MOB4: variants seen among roughly 807,000 people sequenced by gnomAD.
MOB4 encodes MOB-like protein phocein.
A neutral mutation model predicts 32.2 loss-of-function variants in MOB4; 4 were observed. The ratio of observed to expected loss-of-function variants is 0.12; its 90% CI spans 0.06 to 0.28. The LOEUF (loss-of-function observed/expected upper bound fraction) is 0.28. MOB4 is among the 10% of genes least tolerant of loss of function. The pLI is 1.00. For synonymous variants in MOB4, 88 were observed against 88.1 expected, an observed-to-expected ratio of 1.00 and a Z score of 0.01; for missense variants, 158 against 271.2, an observed-to-expected ratio of 0.58 and a Z score of 2.93.
chr2:197,520,360 C>T (rs1032767379), intron 1 of MOB4, among the ~76,000 whole-genome samples: 10 of 151,974 alleles, frequency 6.6e-5, no homozygotes, highest in African/African-American at 1.5e-4. Context: ...AGGATGGTCT[C>T]GATCTGCTGA....
In MOB4 at chr2:197,550,502, T is replaced by A. The variant is rs779338386; in HGVS notation, c.547-13T>A. 7 of 1,583,874 alleles carry A rather than the reference T, an allele frequency of 4.4e-6. No individual in the cohort carries two copies. The highest frequency in any genetic ancestry group is 6.0e-6 in the Non-Finnish European group (7 of 1,167,928). On this transcript the variant is annotated splice_polypyrimidine_tract_variant and intron_variant, in intron 7 of 7. Transcript: ENST00000323303. ...AGTGAATTAAAATAACATTTTTGTC[T>A]TCCTCTCTACAGAATGAAACATTTT...
At chr2:197,515,948 G>C (rs1574617645), upstream of MOB4, 1 of 833,662 alleles carries the variant, frequency 1.2e-6, no homozygotes. Flanking sequence ...CTACCCGGAC[G>C]GCTCCCGGCG....
At chr2:197,524,692 C>T (rs2086579193) in intron 2 of MOB4, among the ~76,000 whole-genome samples, 1 of 151,696 alleles carries the variant, frequency 6.6e-6, no homozygotes, top group South Asian at 2.1e-4. Context: ...GCGATGCTGC[C>T]CACCTTGAAC....
At chr2:197,545,881 A>G in intron 5 of MOB4, among the ~76,000 whole-genome samples, 1 of 152,186 alleles carries the variant, frequency 6.6e-6, no homozygotes. Context: ...TGAATATACT[A>G]GAAACTACTG....
intron 6 of MOB4, among the ~76,000 whole-genome samples, chr2:197,548,839 C>T (rs188099336): frequency 1.3e-5 from 2 of 152,108 alleles, no homozygotes; most frequent in East Asian, 3.9e-4. Context: ...GCAGAGCTCT[C>T]CCTCTCATGC....
At chr2:197,531,700 A>C (rs957276964) in intron 2 of MOB4, among the ~76,000 whole-genome samples, 3 of 151,730 alleles carry the variant, frequency 2.0e-5, no homozygotes, top group African/African-American at 7.3e-5. Context: ...ATGTGCCACC[A>C]TGCCCGGCTA....
At chr2:197,537,709 CAGAG>C (rs2086825940) in intron 3 of MOB4, among the ~76,000 whole-genome samples, 1 of 152,170 alleles carries the variant, frequency 6.6e-6, no homozygotes, top group Admixed American at 6.5e-5. Context: ...CAACCCAAGA[CAGAG>C]AGCACTTTAG....
chr2:197,535,502 TTAAC>T, intron 2 of MOB4, 24 bp from the exon 3 acceptor site: 2 of 1,563,772 alleles, frequency 1.3e-6, no homozygotes, highest in South Asian at 1.2e-5. Flanking sequence ...TATAATTTAA[TTAAC>T]CATAAGAACT....
At chr2:197,536,238 C>G (rs1363183192) in intron 3 of MOB4, among the ~76,000 whole-genome samples, 1 of 152,114 alleles carries the variant, frequency 6.6e-6, no homozygotes, top group East Asian at 1.9e-4. Context: ...GGGTCTTGAT[C>G]TGTTGCCTAG....
At chr2:197,539,414 G>A (rs1050429871) in intron 3 of MOB4, among the ~76,000 whole-genome samples, 1 of 150,240 alleles carries the variant, frequency 6.7e-6, no homozygotes, top group African/African-American at 2.5e-5. Flanking sequence ...CGACTCCCAG[G>A]TTCAAGCAGT....
intron 1 of MOB4, among the ~76,000 whole-genome samples, chr2:197,519,392 C>G (rs1029466663): frequency 3.3e-5 from 5 of 152,104 alleles, no homozygotes; most frequent in African/African-American, 1.2e-4. Flanking sequence ...AACTCCGTAC[C>G]CCCACCCCAT....
chr2:197,531,279 C>T (rs1373978387), intron 2 of MOB4, among the ~76,000 whole-genome samples: 1 of 151,724 alleles, frequency 6.6e-6, no homozygotes, highest in Non-Finnish European at 1.5e-5. Context: ...CTCCTGACCT[C>T]GTGATCCACC....
intron 2 of MOB4, among the ~76,000 whole-genome samples, chr2:197,533,104 CA>C (rs1333374177): frequency 1.3e-5 from 2 of 149,948 alleles, no homozygotes; most frequent in African/African-American, 4.9e-5. Context: ...ATCTCAAAAA[CA>C]AAAAAAAATT....
Position 197,548,434 on chromosome 2 carries a change from C to A in MOB4, c.434+19C>A, listed in dbSNP as rs764068267. 4 of 1,444,538 alleles carry A rather than the reference C, an allele frequency of 2.8e-6. No individual in the cohort carries two copies. The East Asian group carries it at 1.2e-4, about 44-fold the overall frequency. 89.5% of individuals were successfully genotyped at this position (1,444,538 alleles called of 1,614,324 possible). The stretch of plus-strand genomic sequence containing the variant: ...CCAGCAGGTAATCGAAACTTTTAAA[C>A]ATAGTGTTAAACATTTTAGAGTTAA... On this transcript the variant is annotated intron_variant, in intron 6 of 7. Coordinates refer to ENST00000323303, the MANE Select transcript of MOB4 (RefSeq NM_015387.5).
At chr2:197,533,126 G>C (rs536113095) in intron 2 of MOB4, among the ~76,000 whole-genome samples, 3 of 152,048 alleles carry the variant, frequency 2.0e-5, no homozygotes, top group Admixed American at 6.6e-5. Flanking sequence ...TCTATCCATA[G>C]AAGGTGTAGT....
intron 1 of MOB4, 132 bp downstream of exon 1, chr2:197,516,278 C>T: frequency 6.9e-7 from 1 of 1,459,254 alleles, no homozygotes; most frequent in South Asian, 1.4e-5. Context: ...GCCCGGCCTG[C>T]TCTTCCGGAG....
chr2:197,535,382 G>A lies in MOB4; in HGVS notation c.124-148G>A, dbSNP rs541451123. 6.5e-5 allele frequency: 38 copies of A among 585,798 alleles called. No individual in the cohort carries two copies. In the South Asian group the frequency reaches 1.1e-3, roughly 17 times the overall value. 36.3% of individuals were successfully genotyped at this position (585,798 alleles called of 1,614,324 possible). A position where few individuals can be genotyped will look rare whatever the true frequency, so the allele number is the denominator to read the frequency against. ...TAACCTACTTTTTTTCTTAGTTACT[G>A]ATTATGATTCTATACTTGGTTTCCT... On this transcript the variant is annotated intron_variant, in intron 2 of 7. Coordinates refer to ENST00000323303, the MANE Select transcript of MOB4 (RefSeq NM_015387.5).
At chr2:197,537,043 C>G (rs2086811924) in intron 3 of MOB4, among the ~76,000 whole-genome samples, 2 of 152,182 alleles carry the variant, frequency 1.3e-5, no homozygotes, top group African/African-American at 2.4e-5. Flanking sequence ...CACTTGGCCA[C>G]TTTATGTTTT....
At chr2:197,546,031 A>T (rs889663485) in intron 5 of MOB4, among the ~76,000 whole-genome samples, 1 of 151,846 alleles carries the variant, frequency 6.6e-6, no homozygotes, top group Non-Finnish European at 1.5e-5. Flanking sequence ...AATTAATTTC[A>T]CCTCTTTCAC....
Sources: allele counts gnomAD v4.1 joint callset (sites outside exome capture counted in the v4.1 genomes callset), GRCh38; gene constraint gnomAD v4.1.1; transcripts MANE v1.5; gene names NCBI Gene and HGNC (gene_info 2026-07-23, HGNC 2026-07-21).